Variants in XKR4 observed in about 807,000 individuals in gnomAD.
XKR4 encodes XK related 4.
Under a neutral mutation model 53.9 loss-of-function variants are expected in XKR4, and 12 were observed. That is an observed-to-expected ratio of 0.22 (90% CI 0.14 to 0.36). The LOEUF (loss-of-function observed/expected upper bound fraction) is 0.36, where lower values mean the gene tolerates loss of function less well. Among genes scored for constraint, XKR4 ranks in the 10% least tolerant of loss-of-function variants. The probability of loss-of-function intolerance (pLI) is 1.00; values close to 1 mark genes in which losing one functional copy is unlikely to be tolerated. For missense variants in XKR4, 799 were observed against 859.5 expected (o/e 0.93, Z 0.88); for synonymous variants, 354 against 362.4 (o/e 0.98, Z 0.26).
chr8:55,402,298 T>G (rs1422346985), intron 2 of XKR4, among the ~76,000 whole-genome samples: 2 of 152,228 alleles, frequency 1.3e-5, no homozygotes, highest in Non-Finnish European at 2.9e-5. Flanking sequence ...GAGCCCTGGC[T>G]GTGTTTGCTC....
In XKR4 at chr8:55,530,617, G is replaced by A. The variant is rs1365695778; in HGVS notation, c.*6390G>A. 6.6e-6 allele frequency: 1 copy of A among 152,096 alleles called. No homozygotes were observed. The highest frequency in any genetic ancestry group is 1.5e-5 in the Non-Finnish European group (1 of 68,006). 9.4% of individuals were successfully genotyped at this position (152,096 alleles called of 1,614,324 possible). Reference sequence around the variant, plus strand: ...AACCAAAAATTTTCTCAACCCTGGTGTTTATTTTTAAAAAATCTTCAATGA... The same window carrying A: ...AACCAAAAATTTTCTCAACCCTGGTATTTATTTTTAAAAAATCTTCAATGA... On this transcript the variant is annotated 3_prime_UTR_variant, in exon 3 of 3. Transcript: ENST00000327381.
At chr8:55,151,009 C>T (rs926752380) in intron 1 of XKR4, among the ~76,000 whole-genome samples, 3 of 152,292 alleles carry the variant, frequency 2.0e-5, no homozygotes, top group Admixed American at 6.5e-5. Context: ...AAATCCATCT[C>T]TAATTTTGGC....
intron 1 of XKR4, among the ~76,000 whole-genome samples, chr8:55,232,597 G>A (rs565910513): frequency 6.6e-6 from 1 of 152,206 alleles, no homozygotes; most frequent in South Asian, 2.1e-4. Context: ...AAATCATGTA[G>A]AACTTGAAAA....
intron 2 of XKR4, among the ~76,000 whole-genome samples, chr8:55,463,937 A>C (rs1361807700): frequency 2.0e-5 from 3 of 152,168 alleles, no homozygotes; most frequent in Non-Finnish European, 2.9e-5. Flanking sequence ...AGGAAGTTGA[A>C]TCTCTGAATA....
chr8:55,137,178 G>T (rs1816642950), intron 1 of XKR4, among the ~76,000 whole-genome samples: 1 of 152,128 alleles, frequency 6.6e-6, no homozygotes, highest in South Asian at 2.1e-4. Flanking sequence ...TAGAAAAAAG[G>T]TTAGAAGACC....
chr8:55,389,242 T>C (rs1804402418), intron 2 of XKR4, among the ~76,000 whole-genome samples: 1 of 152,176 alleles, frequency 6.6e-6, no homozygotes, highest in African/African-American at 2.4e-5. Context: ...TCCAGAACTG[T>C]GAGACAATAA....
chr8:55,189,755 A>G (rs554224766), intron 1 of XKR4, among the ~76,000 whole-genome samples: 1 of 152,330 alleles, frequency 6.6e-6, no homozygotes, highest in African/African-American at 2.4e-5. Flanking sequence ...ATTTGTCAGC[A>G]CTTTTGTTTC....
rs1294034029 is a variant in XKR4 at position 55,441,102 on chromosome 8, T to A, written c.1007-82179T>A. On this transcript the variant is annotated intron_variant, in intron 2 of 2. Transcript: ENST00000327381. Reference sequence around the variant, plus strand: ...AAAAATGTTTAAAATTAGCCAGGCATGCTAATGCATGCCTGTAGTCCTAGC... The same window carrying A: ...AAAAATGTTTAAAATTAGCCAGGCAAGCTAATGCATGCCTGTAGTCCTAGC... Among the ~76,000 whole-genome samples the A allele has an allele frequency of 3.3e-5, 5 of 151,038 alleles. No individual in the cohort carries two copies. The East Asian group carries it at 9.7e-4, about 29-fold the overall frequency.
chr8:55,336,041 C>CAAA (rs34885296), intron 1 of XKR4, among the ~76,000 whole-genome samples: 8 of 113,696 alleles, frequency 7.0e-5, no homozygotes, highest in African/African-American at 1.9e-4. Context: ...AACTCTATAC[C>CAAA]AAAAAAAAAA....
chr8:55,494,744 G>C (rs936989249), intron 2 of XKR4, among the ~76,000 whole-genome samples: 1 of 152,162 alleles, frequency 6.6e-6, no homozygotes, highest in East Asian at 1.9e-4. Flanking sequence ...CTCTCTTTGA[G>C]TCTGGCTGAG....
rs550830020 is a variant in XKR4, at chr8:55,510,234, C to T, written c.1007-13047C>T. 1.5e-4 allele frequency among the ~76,000 whole-genome samples: 23 copies of T among 152,218 alleles called. No individual in the cohort carries two copies. The South Asian group carries it at 4.8e-3, about 32-fold the overall frequency. On this transcript the variant is annotated intron_variant, in intron 2 of 2. Transcript: ENST00000327381. ...CTTCCTGAGCCAGGATCCCAGGAGT[C>T]CTCCAGGTGGGCAAAGGAGTCCTTC...
chr8:55,524,279 G>A lies in XKR4; in HGVS notation c.*52G>A. 1 of 1,530,198 alleles carries A rather than the reference G, an allele frequency of 6.5e-7. No homozygotes were observed. The highest frequency in any genetic ancestry group is 8.9e-7 in the Non-Finnish European group (1 of 1,124,180). The allele number at this position is 1,530,198 out of a possible 1,614,324, so 94.8% of individuals were successfully genotyped here. A position where few individuals can be genotyped will look rare whatever the true frequency, so the allele number is the denominator to read the frequency against. On this transcript the variant is annotated 3_prime_UTR_variant, in exon 3 of 3. Coordinates refer to ENST00000327381, the MANE Select transcript of XKR4 (RefSeq NM_052898.2). ...CATCCAGATGAAGGGGTGACAGCAG[G>A]GCTGTGGCCATAATGACACTTCATC...
chr8:55,453,448 C>T (rs895566198), intron 2 of XKR4: 36 of 398,184 alleles, frequency 9.0e-5, no homozygotes, highest in Non-Finnish European at 1.5e-4. Flanking sequence ...TGGCCTCAAG[C>T]ATCTTCCCCT....
chr8:55,209,096 C>T (rs1194415004), intron 1 of XKR4, among the ~76,000 whole-genome samples: 2 of 152,174 alleles, frequency 1.3e-5, no homozygotes, highest in African/African-American at 4.8e-5. Flanking sequence ...CGCTGAATAA[C>T]CGGCTGAGTA....
intron 1 of XKR4, among the ~76,000 whole-genome samples, chr8:55,294,559 G>A (rs896457734): frequency 6.6e-6 from 1 of 152,150 alleles, no homozygotes; most frequent in Non-Finnish European, 1.5e-5. Context: ...ACAACATCTC[G>A]TGATTGGCAA....
At chr8:55,487,284 A>G (rs1806206361) in intron 2 of XKR4, among the ~76,000 whole-genome samples, 2 of 152,134 alleles carry the variant, frequency 1.3e-5, no homozygotes, top group Admixed American at 1.3e-4. Flanking sequence ...CTCTCAGAGA[A>G]AGACCAATTC....
intron 1 of XKR4, among the ~76,000 whole-genome samples, chr8:55,277,921 A>C (rs150663085): frequency 6.4e-4 from 98 of 152,384 alleles, no homozygotes; most frequent in African/African-American, 2.1e-3. Context: ...AATATTTATC[A>C]TTATTGCTTA....
chr8:55,364,983 T>A (rs1432061268), intron 2 of XKR4, among the ~76,000 whole-genome samples: 2 of 152,258 alleles, frequency 1.3e-5, no homozygotes, highest in East Asian at 1.9e-4. Flanking sequence ...TTAGGTTAAT[T>A]AGTTTAACTT....
intron 1 of XKR4, among the ~76,000 whole-genome samples, chr8:55,349,367 T>C (rs1803694617): frequency 6.6e-6 from 1 of 152,212 alleles, no homozygotes; most frequent in Non-Finnish European, 1.5e-5. Flanking sequence ...TAATGCAAGC[T>C]GGACAGATGT....
Sources: allele counts gnomAD v4.1 joint callset (sites outside exome capture counted in the v4.1 genomes callset), GRCh38; gene constraint gnomAD v4.1.1; transcripts MANE v1.5; gene names NCBI Gene and HGNC (gene_info 2026-07-23, HGNC 2026-07-21).